BAZ2B: variants seen among roughly 807,000 people sequenced by gnomAD.
The protein encoded by BAZ2B is bromodomain adjacent to zinc finger domain protein 2B.
In BAZ2B, 91 loss-of-function variants were observed where a neutral mutation model predicts 246.0. The ratio of observed to expected loss-of-function variants is 0.37; its 90% confidence interval spans 0.31 to 0.44. The LOEUF (loss-of-function observed/expected upper bound fraction) is 0.44, where lower values mean the gene tolerates loss of function less well. Among genes scored for constraint, BAZ2B ranks in the 20% least tolerant of loss-of-function variants. The probability of loss-of-function intolerance (pLI) is 1.00; values close to 1 mark genes in which losing one functional copy is unlikely to be tolerated. For missense variants in BAZ2B, 2,332 were observed against 2,533.7 expected (o/e 0.92, Z 1.71); for synonymous variants, 855 against 860.0 (o/e 0.99, Z 0.10).
intron 31 of BAZ2B, among the ~76,000 whole-genome samples, chr2:159,339,259 A>G (rs964348497): frequency 5.3e-5 from 8 of 152,262 alleles, no homozygotes; most frequent in African/African-American, 1.9e-4. Context: ...AATATACGGC[A>G]CTGAGACGAT....
At position 159,562,453 on chromosome 2, in the gene BAZ2B, C is replaced by T. The variant is rs181941055; in HGVS notation, c.-45-6588G>A. Among the ~76,000 whole-genome samples, 160 of 152,306 alleles carry T rather than the reference C, an allele frequency of 1.1e-3. 1 individual carries two copies. The highest frequency in any genetic ancestry group is 4.4e-3 in the South Asian group (21 of 4,818). Reference sequence around the variant, plus strand: ...ATTCTTTCAACACTGCTTAGCACTTCGCAACATCTTTACTCATTCCCTCTT... The same window carrying T: ...ATTCTTTCAACACTGCTTAGCACTTTGCAACATCTTTACTCATTCCCTCTT... On this transcript the variant is annotated intron_variant, in intron 1 of 36. Coordinates refer to ENST00000392783, the MANE Select transcript of BAZ2B (RefSeq NM_013450.4).
At chr2:159,323,274 CT>C (rs2062959887) in intron 36 of BAZ2B, among the ~76,000 whole-genome samples, 3 of 152,052 alleles carry the variant, frequency 2.0e-5, no homozygotes, top group African/African-American at 7.2e-5. Flanking sequence ...CGTGAGCCAC[CT>C]TGCCTGGCCC....
chr2:159,366,424 T>G (rs2060221745), intron 27 of BAZ2B, among the ~76,000 whole-genome samples: 1 of 152,250 alleles, frequency 6.6e-6, no homozygotes, highest in African/African-American at 2.4e-5. Flanking sequence ...ACACTGCACA[T>G]TTTGGAAGTA....
At chr2:159,388,306 C>T (rs2062879042) in intron 21 of BAZ2B, among the ~76,000 whole-genome samples, 1 of 152,032 alleles carries the variant, frequency 6.6e-6, no homozygotes, top group Non-Finnish European at 1.5e-5. Flanking sequence ...ATAGTCAAAA[C>T]ATCATTGATT....
chr2:159,520,386 C>T (rs1173949999), intron 2 of BAZ2B, among the ~76,000 whole-genome samples: 4 of 152,016 alleles, frequency 2.6e-5, no homozygotes, highest in African/African-American at 7.3e-5. Flanking sequence ...CAGGATGGCT[C>T]TCTCTCAGAC....
At chr2:159,389,884 T>C (rs2063118489) in intron 20 of BAZ2B, among the ~76,000 whole-genome samples, 1 of 152,138 alleles carries the variant, frequency 6.6e-6, no homozygotes, top group Non-Finnish European at 1.5e-5. Context: ...GTGAATTAGC[T>C]AGTCTTAAGA....
Position 159,356,199 on chromosome 2 carries a change from A to G in BAZ2B, c.4214-5842T>C, listed in dbSNP as rs2059095012. ...GAAGCCAACTGGTCTAGCTCGGTGG[A>G]TCCCACCCTCACAGAGTCTAGCAAG... is the stretch of plus-strand genomic sequence containing the variant. On this transcript the variant is annotated intron_variant, in intron 27 of 36. Coordinates refer to ENST00000392783, the MANE Select transcript of BAZ2B (RefSeq NM_013450.4). Among the ~76,000 whole-genome samples, 4 of 152,130 alleles carry G rather than the reference A, an allele frequency of 2.6e-5. No homozygotes were observed. In the South Asian group the frequency reaches 8.3e-4, roughly 32 times the overall value.
chr2:159,334,016 G>A lies in BAZ2B; in HGVS notation c.5797-1330C>T, dbSNP rs553258542. On this transcript the variant is annotated intron_variant, in intron 33 of 36. Coordinates refer to ENST00000392783, the MANE Select transcript of BAZ2B (RefSeq NM_013450.4). Reference sequence around the variant, plus strand: ...TGTTTCTCCATATTTGAGTTACATCGTTAAAACTTCTATTGTAAAAGTATT... The same window carrying A: ...TGTTTCTCCATATTTGAGTTACATCATTAAAACTTCTATTGTAAAAGTATT... Among the ~76,000 whole-genome samples, 10 of 151,962 alleles carry A rather than the reference G, an allele frequency of 6.6e-5. No individual in the cohort carries two copies. The South Asian group carries it at 1.5e-3, about 22-fold the overall frequency.
the BAZ2B span, among the ~76,000 whole-genome samples, chr2:159,684,916 A>G: frequency 6.6e-6 from 1 of 152,208 alleles, no homozygotes; most frequent in Non-Finnish European, 1.5e-5. Context: ...CTATATTTTC[A>G]TACACAGAAT....
intron 13 of BAZ2B, among the ~76,000 whole-genome samples, chr2:159,421,201 G>A (rs2068685401): frequency 6.6e-6 from 1 of 151,082 alleles, no homozygotes; most frequent in African/African-American, 2.4e-5. Flanking sequence ...TAGAGACAGG[G>A]TCTCAATCTG....
chr2:159,684,356 G>C, the BAZ2B span, among the ~76,000 whole-genome samples: 2 of 152,184 alleles, frequency 1.3e-5, no homozygotes. Context: ...GAGTTGTGTA[G>C]TAAGTACACG....
chr2:159,355,436 G>A (rs1256824553), intron 27 of BAZ2B, among the ~76,000 whole-genome samples: 1 of 152,106 alleles, frequency 6.6e-6, no homozygotes, highest in Non-Finnish European at 1.5e-5. Flanking sequence ...TTCCTTTCCA[G>A]GCTGATCCAG....
intron 13 of BAZ2B, among the ~76,000 whole-genome samples, chr2:159,423,858 T>C (rs375149233): frequency 7.2e-5 from 11 of 152,276 alleles, no homozygotes; most frequent in African/African-American, 2.6e-4. Context: ...TGGAGACTAC[T>C]TGAGCGGGGA....
the BAZ2B span, among the ~76,000 whole-genome samples, chr2:159,705,938 A>T: frequency 3.6e-5 from 5 of 138,162 alleles, no homozygotes; most frequent in Non-Finnish European, 8.2e-5. Context: ...CAAAGGCTAA[A>T]CAACTAAACA....
At chr2:159,503,930 C>T (rs913348998) in intron 2 of BAZ2B, among the ~76,000 whole-genome samples, 9 of 152,156 alleles carry the variant, frequency 5.9e-5, no homozygotes, top group African/African-American at 9.7e-5. Context: ...AAAGTTCCCA[C>T]AAAGTAGTGA....
chr2:159,327,700 A>T (rs2148846219), intron 34 of BAZ2B, among the ~76,000 whole-genome samples: 1 of 152,354 alleles, frequency 6.6e-6, no homozygotes, highest in East Asian at 1.9e-4. Context: ...GGGCCAAAAC[A>T]TTTAGTTTCT....
At position 159,516,877 on chromosome 2, in the gene BAZ2B, G is replaced by A. The variant is rs191044225; in HGVS notation, c.-2-38156C>T. Among the ~76,000 whole-genome samples, 16 of 152,230 alleles carry A rather than the reference G, an allele frequency of 1.1e-4. No homozygotes were observed. In the Middle Eastern group the frequency reaches 0.01, roughly 97 times the overall value. ...ATAGGAATGCTTGAAAACTGGCACTGTTTAAAAGCAGGTTTCAAAAATCAC... is the reference window on the plus strand; with the variant it reads ...ATAGGAATGCTTGAAAACTGGCACTATTTAAAAGCAGGTTTCAAAAATCAC... On this transcript the variant is annotated intron_variant, in intron 2 of 36. Transcript: ENST00000392783.
chr2:159,414,541 G>A (rs2067332761), intron 13 of BAZ2B, among the ~76,000 whole-genome samples: 1 of 152,124 alleles, frequency 6.6e-6, no homozygotes, highest in Non-Finnish European at 1.5e-5. Context: ...ATGTGGCCGG[G>A]CGCGGTGGCC....
chr2:159,444,023 C>T (rs1166129449), intron 6 of BAZ2B: 3 of 151,506 alleles, frequency 2.0e-5, no homozygotes, highest in African/African-American at 7.3e-5. Flanking sequence ...CTTTTGGAAG[C>T]ACATATAAAA....
Sources: allele counts gnomAD v4.1 joint callset (sites outside exome capture counted in the v4.1 genomes callset), GRCh38; gene constraint gnomAD v4.1.1; transcripts MANE v1.5; gene names NCBI Gene and HGNC (gene_info 2026-07-23, HGNC 2026-07-21).